The following VPS45 variants were observed in gnomAD, a reference collection of about 807,000 sequenced individuals.
VPS45 encodes vacuolar protein sorting-associated protein 45.
Under a neutral mutation model 75.9 loss-of-function variants are expected in VPS45, and 35 were observed. That is an observed-to-expected ratio of 0.46 (90% CI 0.35 to 0.61). The LOEUF (loss-of-function observed/expected upper bound fraction) is 0.61, where lower values mean the gene tolerates loss of function less well. Among genes scored for constraint, VPS45 ranks in the 20% least tolerant of loss-of-function variants. The pLI is 0.00. For missense variants in VPS45, 559 were observed against 685.9 expected (o/e 0.81, Z 2.07); for synonymous variants, 220 against 238.2 (o/e 0.92, Z 0.70).
chr1:150,085,398 TAAAAGA>T (rs1473684329), intron 10 of VPS45, among the ~76,000 whole-genome samples: 1 of 152,156 alleles, frequency 6.6e-6, no homozygotes, highest in African/African-American at 2.4e-5. Context: ...GTGTTCACTT[TAAAAGA>T]AAAATAGTCA....
Position 150,091,949 on chromosome 1 carries a change from C to A in VPS45, c.1117C>A (p.Leu373Ile). ...TATCTTTCTTCAGAATATAAAAAGGCTTCTGCAGAACCCCAAAGTGACAGA... is the reference window on the plus strand; with the variant it reads ...TATCTTTCTTCAGAATATAAAAAGGATTCTGCAGAACCCCAAAGTGACAGA... ...HSSALQNIKR[L>I]LQNPKVTEFD... The change falls in exon 11 of 15, where the codon CTT (leucine) becomes ATT (isoleucine). Residue 373 changes from leucine (L) to isoleucine (I), a missense_variant. Physicochemically the swap from Leu to Ile is conservative, Grantham distance 5. Coordinates refer to ENST00000644510, the MANE Select transcript of VPS45 (RefSeq NM_007259.5). 1 of 1,612,888 alleles carries A rather than the reference C, an allele frequency of 6.2e-7. No homozygotes were observed. Among genetic ancestry groups the A allele is most frequent in the South Asian group, 1.1e-5 (1 of 90,824 alleles).
intron 14 of VPS45, among the ~76,000 whole-genome samples, chr1:150,119,499 A>G (rs1553809130): frequency 1.3e-5 from 2 of 152,224 alleles, no homozygotes; most frequent in Non-Finnish European, 2.9e-5. Context: ...TGACCTCAAG[A>G]GCTCTGCAGC....
chr1:150,071,657 A>G (rs1553797059), intron 2 of VPS45, among the ~76,000 whole-genome samples: 3 of 152,092 alleles, frequency 2.0e-5, no homozygotes, highest in African/African-American at 7.2e-5. Context: ...GTATGGTGGC[A>G]CAAACCTGTA....
At position 150,132,672 on chromosome 1, in the gene VPS45, C is replaced by T. The variant is rs2101650474; in HGVS notation, c.1626-12037C>T. On this transcript the variant is annotated intron_variant, in intron 14 of 14. Coordinates refer to ENST00000644510, the MANE Select transcript of VPS45 (RefSeq NM_007259.5). ...TTACTTATAAATCACCTTTTAGTACCCTTTGGTCTTGTTCGAAGCAGTGTA... is the reference window on the plus strand; with the variant it reads ...TTACTTATAAATCACCTTTTAGTACTCTTTGGTCTTGTTCGAAGCAGTGTA... 1.3e-5 allele frequency among the ~76,000 whole-genome samples: 2 copies of T among 152,200 alleles called. 1 individual carries two copies. Among genetic ancestry groups the T allele is most frequent in the South Asian group, 4.1e-4 (2 of 4,820 alleles).
At chr1:150,104,588 G>A in intron 13 of VPS45, among the ~76,000 whole-genome samples, 1 of 152,006 alleles carries the variant, frequency 6.6e-6, no homozygotes, top group East Asian at 1.9e-4. Flanking sequence ...TTCCTTTCTT[G>A]AGACAGCATC....
chr1:150,097,668 G>A (rs1250273895), intron 13 of VPS45, among the ~76,000 whole-genome samples: 10 of 151,850 alleles, frequency 6.6e-5, no homozygotes, highest in African/African-American at 9.7e-5. Context: ...GCAGTGAGCC[G>A]AGATTATGCC....
At chr1:150,131,002 C>T (rs1658803221) in intron 14 of VPS45, among the ~76,000 whole-genome samples, 1 of 152,098 alleles carries the variant, frequency 6.6e-6, no homozygotes, top group Non-Finnish European at 1.5e-5. Flanking sequence ...AGAGCTGGAA[C>T]TCAAGCTCAG....
At chr1:150,067,522 T>G (rs1205363116), upstream of VPS45, 1 of 304,984 alleles carries the variant, frequency 3.3e-6, no homozygotes. Flanking sequence ...TCCACTCTCT[T>G]GGGCTTCAGG....
intron 14 of VPS45, among the ~76,000 whole-genome samples, chr1:150,118,626 G>A (rs1269079917): frequency 6.6e-5 from 10 of 152,022 alleles, no homozygotes; most frequent in Admixed American, 6.6e-5. Flanking sequence ...GGCTGGTCTC[G>A]AACTCTGGAC....
intron 3 of VPS45, among the ~76,000 whole-genome samples, chr1:150,073,413 C>A (rs1553797427): frequency 6.6e-6 from 1 of 151,964 alleles, no homozygotes; most frequent in African/African-American, 2.4e-5. Context: ...TATAAGAGCT[C>A]TCTCATATTT....
chr1:150,144,920 A>G lies in VPS45; in HGVS notation c.*124A>G. On this transcript the variant is annotated 3_prime_UTR_variant, in exon 15 of 15. Transcript: ENST00000644510. ...TGGTTGTTAGAACTCATCTCCAGGT[A>G]GCCCACGGATACGTGGTTGGCACAG... 6.4e-7 allele frequency: 1 copy of G among 1,551,634 alleles called. No homozygotes were observed. Among genetic ancestry groups the G allele is most frequent in the Non-Finnish European group, 8.7e-7 (1 of 1,152,688 alleles).
chr1:150,067,929 A>G lies in VPS45; in HGVS notation c.72A>G (p.Val24=), dbSNP rs2101472739. ...MIEDSGPGMK[V]LLMDKETTGI... is the part of the protein sequence containing the mutation. ...AGGACAGCGGGCCTGGTATGAAAGT[A>G]CTTCTCATGGATAAAGAGACGGTGA... The change falls in exon 1 of 15, where the codon GTA becomes GTG. Residue 24 remains valine, a synonymous_variant. Transcript: ENST00000644510. The G allele has an allele frequency of 6.2e-7, 1 of 1,614,200 alleles. No individual in the cohort carries two copies. Among genetic ancestry groups the G allele is most frequent in the Non-Finnish European group, 8.5e-7 (1 of 1,180,022 alleles).
At chr1:150,075,027 C>T (rs1553797773) in intron 3 of VPS45, among the ~76,000 whole-genome samples, 1 of 112,008 alleles carries the variant, frequency 8.9e-6, no homozygotes, top group Non-Finnish European at 1.6e-5. Flanking sequence ...GTGGCATGAT[C>T]TCGGCTCACT....
chr1:150,093,034 G>T (rs1000165681), intron 12 of VPS45, among the ~76,000 whole-genome samples: 5 of 151,298 alleles, frequency 3.3e-5, no homozygotes, highest in Non-Finnish European at 7.4e-5. Context: ...TTTTAGTAGA[G>T]ATGGGGTTTC....
chr1:150,088,239 A>T (rs1656119099), intron 10 of VPS45, among the ~76,000 whole-genome samples: 1 of 151,850 alleles, frequency 6.6e-6, no homozygotes. Flanking sequence ...TCACCATCCC[A>T]TCCTCTGGTA....
At chr1:150,079,467 C>T (rs1196035638) in intron 7 of VPS45, among the ~76,000 whole-genome samples, 2 of 152,284 alleles carry the variant, frequency 1.3e-5, no homozygotes, top group South Asian at 2.1e-4. Flanking sequence ...TTGGCGTGAT[C>T]TCAGCTCACT....
At chr1:150,094,904 A>G (rs1656534573) in intron 13 of VPS45, among the ~76,000 whole-genome samples, 1 of 152,248 alleles carries the variant, frequency 6.6e-6, no homozygotes, top group Non-Finnish European at 1.5e-5. Flanking sequence ...TCTAATTTAC[A>G]TAATTCATTC....
At chr1:150,092,259 C>T (rs1553802078) in intron 11 of VPS45, 43 bp from the exon 12 acceptor site, 1 of 1,586,506 alleles carries the variant, frequency 6.3e-7, no homozygotes. Context: ...AAATGGGCTT[C>T]CTGATGCCTA....
At chr1:150,096,117 CAG>C (rs1226134608) in intron 13 of VPS45, among the ~76,000 whole-genome samples, 1 of 152,118 alleles carries the variant, frequency 6.6e-6, no homozygotes, top group African/African-American at 2.4e-5. Context: ...TGAGGAGAAA[CAG>C]AGTTTTGTTG....
Sources: allele counts gnomAD v4.1 joint callset (sites outside exome capture counted in the v4.1 genomes callset), GRCh38; gene constraint gnomAD v4.1.1; transcripts MANE v1.5; gene names NCBI Gene and HGNC (gene_info 2026-07-23, HGNC 2026-07-21).